Variants in COL4A6 observed in about 807,000 individuals in gnomAD.
COL4A6 encodes collagen type IV alpha 6 chain.
A neutral mutation model predicts 126.7 loss-of-function variants in COL4A6; 59 were observed. That is an observed-to-expected ratio of 0.47 (90% confidence interval 0.38 to 0.58). COL4A6 has a LOEUF of 0.58. COL4A6 is among the 20% of genes least tolerant of loss of function. The probability of loss-of-function intolerance (pLI) is 0.00; values close to 1 mark genes in which losing one functional copy is unlikely to be tolerated. For missense variants in COL4A6, 1,285 were observed against 1,337.3 expected (o/e 0.96, Z 0.61); for synonymous variants, 547 against 496.6 (o/e 1.10, Z -1.35).
chrX:108,166,711 A>G (rs2034139376), intron 37 of COL4A6, among the ~76,000 whole-genome samples: 1 of 111,914 alleles, frequency 8.9e-6, no homozygotes, highest in African/African-American at 3.2e-5. Flanking sequence ...AAAAACACAA[A>G]AAGAAAACTA....
chrX:108,315,491 C>T (rs1569421906), intron 2 of COL4A6, among the ~76,000 whole-genome samples: 3 of 111,754 alleles, frequency 2.7e-5, no homozygotes, highest in South Asian at 3.8e-4. Context: ...CCTCCCACAT[C>T]GGCCTCCAAA....
intron 3 of COL4A6, among the ~76,000 whole-genome samples, chrX:108,281,991 T>C (rs2037848101): frequency 9.1e-6 from 1 of 110,195 alleles, no homozygotes; most frequent in Non-Finnish European, 1.9e-5. Flanking sequence ...ATACAAAAAT[T>C]AATTCGAGAT....
intron 3 of COL4A6, among the ~76,000 whole-genome samples, chrX:108,234,700 A>C (rs1047217601): frequency 5.4e-5 from 6 of 111,950 alleles, no homozygotes; most frequent in Non-Finnish European, 1.1e-4. Context: ...GGCAGGAGGG[A>C]TATGATTCTC....
At chrX:108,278,830 C>T (rs1436522504) in intron 3 of COL4A6, among the ~76,000 whole-genome samples, 2 of 110,492 alleles carry the variant, frequency 1.8e-5, no homozygotes, top group African/African-American at 6.6e-5. Flanking sequence ...AGAGTGGGGG[C>T]CAATATTCAA....
intron 7 of COL4A6, among the ~76,000 whole-genome samples, chrX:108,211,421 G>A (rs993961241): frequency 1.8e-5 from 2 of 113,177 alleles, no homozygotes; most frequent in Non-Finnish European, 3.7e-5. Context: ...CATGCAAACT[G>A]TTTGTTTGCT....
intron 2 of COL4A6, among the ~76,000 whole-genome samples, chrX:108,373,315 C>T (rs1044327739): frequency 4.5e-5 from 5 of 111,824 alleles, no homozygotes; most frequent in African/African-American, 1.6e-4. Context: ...TTCTTTTCAG[C>T]CGTGAGGTCT....
At chrX:108,173,183 C>G (rs754497813) in intron 31 of COL4A6, among the ~76,000 whole-genome samples, 2 of 111,845 alleles carry the variant, frequency 1.8e-5, no homozygotes, top group Non-Finnish European at 3.8e-5. Flanking sequence ...TTGAGATTTA[C>G]CCAGTATCCA....
At chrX:108,393,626 T>C (rs1165714257) in intron 2 of COL4A6, among the ~76,000 whole-genome samples, 1 of 112,521 alleles carries the variant, frequency 8.9e-6, no homozygotes, top group African/African-American at 3.2e-5. Flanking sequence ...AATAAGTGAA[T>C]TCAGTGGTAC....
intron 2 of COL4A6, among the ~76,000 whole-genome samples, chrX:108,366,317 C>G (rs1334280633): frequency 9.0e-6 from 1 of 111,647 alleles, no homozygotes; most frequent in Non-Finnish European, 1.9e-5. Context: ...GAGGCGGTAC[C>G]AAAACCAATT....
intron 2 of COL4A6, among the ~76,000 whole-genome samples, chrX:108,422,233 G>A (rs1489677101): frequency 9.1e-6 from 1 of 110,433 alleles, no homozygotes; most frequent in Non-Finnish European, 1.9e-5. Flanking sequence ...GGACATGGTG[G>A]TGCATGCCTG....
At chrX:108,398,476 T>C (rs2041013169) in intron 2 of COL4A6, among the ~76,000 whole-genome samples, 1 of 111,369 alleles carries the variant, frequency 9.0e-6, no homozygotes, top group Admixed American at 9.6e-5. Context: ...AACTGATCTA[T>C]GGTGTCAGAA....
chrX:108,429,679 A>G (rs1484296666), intron 2 of COL4A6, among the ~76,000 whole-genome samples: 1 of 111,858 alleles, frequency 8.9e-6, no homozygotes, highest in African/African-American at 3.3e-5. Flanking sequence ...ATTTCATTGA[A>G]CACTCAAAAA....
chrX:108,416,472 T>C (rs935552887), intron 2 of COL4A6, among the ~76,000 whole-genome samples: 4 of 112,327 alleles, frequency 3.6e-5, no homozygotes. Flanking sequence ...AATCTATTTT[T>C]CACTAATGTG....
At chrX:108,413,640 A>C (rs910425343) in intron 2 of COL4A6, among the ~76,000 whole-genome samples, 4 of 110,695 alleles carry the variant, frequency 3.6e-5, no homozygotes, top group Non-Finnish European at 5.7e-5. Context: ...TTGTATTTTT[A>C]GTAGAGACGG....
chrX:108,438,317 G>A lies in COL4A6; in HGVS notation c.-121C>T. On this transcript the variant is annotated 5_prime_UTR_variant, in exon 1 of 45. Coordinates refer to ENST00000334504, the MANE Select transcript of COL4A6 (RefSeq NM_033641.4). The stretch of plus-strand genomic sequence containing the variant: ...CTTACTCAGAACAGAGTAGGTGGAC[G>A]AAGTGGCCCAGTTTGGAAGAAACTA... The A allele has an allele frequency of 9.1e-7, 1 of 1,095,413 alleles. No homozygotes were observed. The allele number at this position is 1,095,413 out of a possible 1,213,427, so 90.3% of individuals were successfully genotyped here. A position where few individuals can be genotyped will look rare whatever the true frequency, so the allele number is the denominator to read the frequency against.
chrX:108,412,991 A>G (rs2041360904), intron 2 of COL4A6, among the ~76,000 whole-genome samples: 1 of 111,974 alleles, frequency 8.9e-6, no homozygotes, highest in Admixed American at 9.5e-5. Flanking sequence ...ATATCATTTG[A>G]CTCATTTGCT....
chrX:108,178,163 C>T (rs957222742), intron 27 of COL4A6, among the ~76,000 whole-genome samples: 4 of 112,187 alleles, frequency 3.6e-5, no homozygotes, highest in Non-Finnish European at 7.5e-5. Flanking sequence ...GAGGGTGGTG[C>T]GAGAAAAAGG....
chrX:108,196,381 C>G (rs1417231718), intron 14 of COL4A6, 130 bp downstream of exon 14: 2 of 553,122 alleles, frequency 3.6e-6, no homozygotes, highest in Non-Finnish European at 6.0e-6. Flanking sequence ...TCTTAGGAAC[C>G]TGCCATTGGG....
intron 2 of COL4A6, among the ~76,000 whole-genome samples, chrX:108,361,131 T>G (rs753574382): frequency 9.0e-6 from 1 of 111,662 alleles, no homozygotes; most frequent in African/African-American, 3.3e-5. Context: ...ATTATTCTTC[T>G]GCTATCATTT....
Sources: allele counts gnomAD v4.1 joint callset (sites outside exome capture counted in the v4.1 genomes callset), GRCh38; gene constraint gnomAD v4.1.1; transcripts MANE v1.5; gene names NCBI Gene and HGNC (gene_info 2026-07-23, HGNC 2026-07-21).